The following TFRC variants were observed in gnomAD, a reference collection of about 807,000 sequenced individuals.
TFRC encodes the protein transferrin receptor protein 1.
TFRC carries 35 observed loss-of-function variants against 85.8 expected under a neutral mutation model. The ratio of observed to expected loss-of-function variants is 0.41; its 90% CI spans 0.31 to 0.54. TFRC has a LOEUF of 0.54. Among genes scored for constraint, TFRC ranks in the 20% least tolerant of loss-of-function variants. TFRC has a pLI of 0.31. For missense variants in TFRC, 828 were observed against 921.5 expected (o/e 0.90, Z 1.31); for synonymous variants, 362 against 328.6 (o/e 1.10, Z -1.10).
chr3:196,065,903 C>T (rs573030895), intron 9 of TFRC, among the ~76,000 whole-genome samples: 2 of 151,662 alleles, frequency 1.3e-5, no homozygotes, highest in Admixed American at 6.6e-5. Flanking sequence ...GGAGGAGAAT[C>T]GCTTGAACCT....
At position 196,068,080 on chromosome 3, in the gene TFRC, G is replaced by C; in HGVS notation, c.852C>G (p.Asp284Glu). The C allele has an allele frequency of 6.2e-7, 1 of 1,613,512 alleles. No individual in the cohort carries two copies. The change falls in exon 8 of 19, where the codon GAC (aspartate) becomes GAG (glutamate). Residue 284 changes from aspartate to glutamate, a missense_variant. Physicochemically the swap from Asp to Glu is conservative, Grantham distance 45. Transcript: ENST00000360110. ...LNAIGVLIYM[D>E]QTKFPIVNAE... ...CGTTAACAATGGGAAATTTAGTCTG[G>C]TCCATGTATATCAACACACCAATTG...
chr3:196,065,660 T>C (rs752159592), intron 9 of TFRC, 60 bp from the exon 10 acceptor site: 6 of 1,507,708 alleles, frequency 4.0e-6, no homozygotes, highest in Non-Finnish European at 5.3e-6. Context: ...GGTTTACTCC[T>C]GTCCAGTGAA....
intron 16 of TFRC, among the ~76,000 whole-genome samples, chr3:196,056,975 C>T (rs541676322): frequency 1.7e-4 from 26 of 152,270 alleles, no homozygotes; most frequent in Admixed American, 1.6e-3. Context: ...GCACACGCCA[C>T]TATGTCCGAC....
At chr3:196,072,223 C>T (rs1377626667) in intron 4 of TFRC, 71 bp from the exon 5 acceptor site, 1 of 1,567,908 alleles carries the variant, frequency 6.4e-7, no homozygotes, top group South Asian at 1.2e-5. Flanking sequence ...AAGGATTAAA[C>T]AAATTGTTTT....
At chr3:196,052,297 T>G (rs1214371757) in intron 18 of TFRC, 113 bp from the exon 19 acceptor site, 1 of 747,316 alleles carries the variant, frequency 1.3e-6, no homozygotes. Context: ...TCAGACTTTT[T>G]TTTTTTTTTT....
intron 7 of TFRC, among the ~76,000 whole-genome samples, chr3:196,068,927 CAA>C (rs55642820): frequency 8.2e-5 from 7 of 85,266 alleles, no homozygotes; most frequent in Admixed American, 1.3e-4. Context: ...GACTCCGTCT[CAA>C]AAAAAAAAAA....
Position 196,053,488 on chromosome 3 carries a change from G to A in TFRC, c.1970C>T (p.Thr657Ile). Reference protein sequence around the residue: ...GDFFRATSRLTTDFGNAEKTD... With the variant: ...GDFFRATSRLITDFGNAEKTD... Reference sequence around the variant, plus strand: ...TTTCTCAGCATTCCCGAAATCTGTTGTTAGTCTGGAAGTAGCACGGAAGAA... The same window carrying A: ...TTTCTCAGCATTCCCGAAATCTGTTATTAGTCTGGAAGTAGCACGGAAGAA... Residue 657 changes from threonine (T) to isoleucine (I), a missense_variant, in exon 18 of 19, where the codon ACA becomes ATA. Thr to Ile is a moderately conservative substitution (Grantham distance 89). Coordinates refer to ENST00000360110, the MANE Select transcript of TFRC (RefSeq NM_001128148.3). The A allele has an allele frequency of 6.2e-7, 1 of 1,614,178 alleles. No homozygotes were observed. Among genetic ancestry groups the A allele is most frequent in the Non-Finnish European group, 8.5e-7 (1 of 1,180,024 alleles).
At chr3:196,052,304 T>A in intron 18 of TFRC, 120 bp from the exon 19 acceptor site, 45 of 1,187,022 alleles carry the variant, frequency 3.8e-5, no homozygotes, top group Middle Eastern at 2.9e-4. Context: ...TTTTTTTTTT[T>A]TTTTTTTTTT....
chr3:196,073,802 G>A, intron 4 of TFRC, 128 bp downstream of exon 4: 1 of 1,001,602 alleles, frequency 1.0e-6, no homozygotes, highest in Non-Finnish European at 1.4e-6. Flanking sequence ...CCCCTCTTTA[G>A]CTAAACATGA....
chr3:196,060,352 C>G lies in TFRC; in HGVS notation c.1469-105G>C, dbSNP rs929627330. ...TGACAAATAAGACAGTAATCTAGAT[C>G]AGTGGCCCTGTGCAACAACTATCCC... On this transcript the variant is annotated intron_variant, in intron 13 of 18. Coordinates refer to ENST00000360110, the MANE Select transcript of TFRC (RefSeq NM_001128148.3). 1.3e-5 allele frequency: 13 copies of G among 964,240 alleles called. No homozygotes were observed. In the Admixed American group the frequency reaches 2.5e-4, roughly 19 times the overall value. 59.7% of individuals were successfully genotyped at this position (964,240 alleles called of 1,614,324 possible). A position where few individuals can be genotyped will look rare whatever the true frequency, so the allele number is the denominator to read the frequency against.
In TFRC at chr3:196,075,298, G is replaced by A. The variant is rs761385506; in HGVS notation, c.99C>T (p.Asn33=). The A allele has an allele frequency of 2.5e-6, 4 of 1,614,080 alleles. No homozygotes were observed. In the South Asian group the frequency reaches 4.4e-5, roughly 18 times the overall value. The stretch of plus-strand genomic sequence containing the variant: ...CAGCAAGTTTCATCTCCACATGACT[G>A]TTATCGCCATCTACTTGCCGAGCCA... ...FSLARQVDGD[N]SHVEMKLAVD... Residue 33 remains asparagine (N), a synonymous_variant, in exon 3 of 19, where the codon AAC becomes AAT. Transcript: ENST00000360110.
Position 196,053,425 on chromosome 3 carries a change from A to G in TFRC, c.2033T>C (p.Val678Ala). Residue 678 changes from valine (V) to alanine (A), a missense_variant, in exon 18 of 19, where the codon GTC becomes GCC. By Grantham distance (64) the Val-to-Ala change is moderately conservative. Coordinates refer to ENST00000360110, the MANE Select transcript of TFRC (RefSeq NM_001128148.3). The stretch of plus-strand genomic sequence containing the variant: ...TCCCAAAAGTTCACTTACTCTCATG[A>G]CACGATCATTGAGTTTCTTCATGAC... ...RFVMKKLNDR[V>A]MRVEYHFLSP... 6.2e-7 allele frequency: 1 copy of G among 1,614,172 alleles called. No homozygotes were observed. The highest frequency in any genetic ancestry group is 1.6e-4 in the Middle Eastern group (1 of 6,062).
Position 196,072,034 on chromosome 3 carries a change from G to C in TFRC, c.553C>G (p.Gln185Glu). The change falls in exon 5 of 19, where the codon CAA (glutamine) becomes GAA (glutamate). Residue 185 changes from glutamine (Q) to glutamate (E), a missense_variant. Transcript: ENST00000360110. ...TTGACCTGAATCTTAACAAAATGTT[G>C]ATCACGCCAGACTTTGCTGAGTTTA... is the stretch of plus-strand genomic sequence containing the variant. ...EFKLSKVWRDQHFVKIQVKDS... is the reference protein window; with the variant it reads ...EFKLSKVWRDEHFVKIQVKDS... The C allele has an allele frequency of 6.2e-7, 1 of 1,613,596 alleles. No individual in the cohort carries two copies. The highest frequency in any genetic ancestry group is 8.5e-7 in the Non-Finnish European group (1 of 1,179,884).
chr3:196,057,320 T>C (rs1205147320), intron 16 of TFRC, among the ~76,000 whole-genome samples: 1 of 152,110 alleles, frequency 6.6e-6, no homozygotes, highest in East Asian at 1.9e-4. Context: ...TAATTACCGG[T>C]GCATGCAACC....
Position 196,065,430 on chromosome 3 carries a change from G to A in TFRC, c.1198+13C>T, listed in dbSNP as rs41295873. On this transcript the variant is annotated intron_variant, in intron 10 of 18. Coordinates refer to ENST00000360110, the MANE Select transcript of TFRC (RefSeq NM_001128148.3). ...AAAAAAGCGGGGCGGGGGGGGGGGGGGGCGGTCTTTACCTGGTTCTACAAA... is the reference window on the plus strand; with the variant it reads ...AAAAAAGCGGGGCGGGGGGGGGGGGAGGCGGTCTTTACCTGGTTCTACAAA... The A allele has an allele frequency of 7.3e-6, 4 of 549,184 alleles. No individual in the cohort carries two copies. Among genetic ancestry groups the A allele is most frequent in the South Asian group, 2.7e-5 (1 of 36,674 alleles). The allele number at this position is 549,184 out of a possible 1,614,324, so 34.0% of individuals were successfully genotyped here.
intron 16 of TFRC, 32 bp from the exon 17 acceptor site, chr3:196,055,333 G>T (rs757606678): frequency 2.5e-6 from 4 of 1,577,142 alleles, no homozygotes; most frequent in Middle Eastern, 1.7e-4. Flanking sequence ...TGGTACTCAC[G>T]TGAGTTCTAA....
rs1264592439 is a variant in TFRC at position 196,072,126 on chromosome 3, G to C, written c.461C>G (p.Pro154Arg). ...IKLLNENSYV[P>R]REAGSQKDEN... ...ATCTTTTTGAGATCCAGCCTCACGA[G>C]GGACATATGAATTTTCATTCAGCAG... Residue 154 changes from proline (P) to arginine (R), a missense_variant, in exon 5 of 19, where the codon CCT becomes CGT. By Grantham distance (103) the Pro-to-Arg change is moderately radical. Coordinates refer to ENST00000360110, the MANE Select transcript of TFRC (RefSeq NM_001128148.3). The C allele has an allele frequency of 1.9e-6, 3 of 1,613,616 alleles. No individual in the cohort carries two copies. The highest frequency in any genetic ancestry group is 2.2e-5 in the South Asian group (2 of 90,906).
In TFRC at chr3:196,060,163, A is replaced by G; in HGVS notation, c.1536+17T>C. The G allele has an allele frequency of 1.3e-6, 2 of 1,596,290 alleles. No individual in the cohort carries two copies. The highest frequency in any genetic ancestry group is 1.7e-6 in the Non-Finnish European group (2 of 1,169,774). On this transcript the variant is annotated intron_variant, in intron 14 of 18. Coordinates refer to ENST00000360110, the MANE Select transcript of TFRC (RefSeq NM_001128148.3). The stretch of plus-strand genomic sequence containing the variant: ...AAAAATTAAGTCATACATTTTTGTA[A>G]TGAGGTATATACTCACATTTTGCAT...
At chr3:196,075,046 CA>C (rs56119775) in intron 3 of TFRC, 112 bp downstream of exon 3, 27,968 of 528,412 alleles carry the variant, frequency 0.053, 1 homozygote, top group East Asian at 0.19. Flanking sequence ...CCTCTGTCTC[CA>C]AAAAAAAAAA....
Sources: gnomAD v4.1 joint callset for allele counts (sites outside exome capture counted in the v4.1 genomes callset) on GRCh38, gnomAD v4.1.1 for gene constraint, MANE v1.5 for transcripts, NCBI Gene and HGNC (gene_info 2026-07-23, HGNC 2026-07-21) for gene names.